KITLG: variants seen among roughly 807,000 people sequenced by gnomAD.
KITLG encodes the protein c-Kit ligand.
Under a neutral mutation model 34.1 loss-of-function variants are expected in KITLG, and 13 were observed. The ratio of observed to expected loss-of-function variants is 0.38; its 90% CI spans 0.25 to 0.61. The LOEUF is 0.61. Ranked by LOEUF, KITLG falls within the 20% of genes least tolerant of loss-of-function variation. The pLI is 0.60. For synonymous variants in KITLG, 110 were observed against 104.0 expected (o/e 1.06, Z -0.35); for missense variants, 292 against 318.9 (o/e 0.92, Z 0.64).
chr12:88,500,836 G>A (rs985141805), intron 9 of KITLG, among the ~76,000 whole-genome samples: 5 of 152,160 alleles, frequency 3.3e-5, no homozygotes, highest in Non-Finnish European at 7.3e-5. Context: ...TTGGAATGCT[G>A]TGATTTGATC....
chr12:88,558,122 T>C (rs1289554599), intron 1 of KITLG, among the ~76,000 whole-genome samples: 4 of 152,208 alleles, frequency 2.6e-5, no homozygotes, highest in African/African-American at 4.8e-5. Flanking sequence ...AATCTGAGAC[T>C]GAATGCCTGA....
intron 2 of KITLG, among the ~76,000 whole-genome samples, chr12:88,536,793 A>G (rs1282124472): frequency 6.6e-6 from 1 of 152,098 alleles, no homozygotes; most frequent in East Asian, 1.9e-4. Context: ...ATGAGAACAC[A>G]TGGACACAGG....
intron 1 of KITLG, among the ~76,000 whole-genome samples, chr12:88,549,819 C>A (rs2407205): frequency 0.67 from 101,971 of 151,962 alleles, 37,356 homozygotes; most frequent in Middle Eastern, 0.87. Flanking sequence ...CAAAGAACTG[C>A]GCATGCTATG....
intron 9 of KITLG, among the ~76,000 whole-genome samples, chr12:88,498,811 T>C (rs1868741187): frequency 1.3e-5 from 2 of 151,936 alleles, no homozygotes; most frequent in African/African-American, 4.8e-5. Flanking sequence ...GAGGCGGAGG[T>C]TGCAGTGAGC....
At chr12:88,504,942 AG>A (rs1160923881) in intron 9 of KITLG, among the ~76,000 whole-genome samples, 1 of 138,192 alleles carries the variant, frequency 7.2e-6, no homozygotes, top group Non-Finnish European at 1.5e-5. Flanking sequence ...GACACAGGGT[AG>A]GGAACACCAC....
At chr12:88,552,748 G>C (rs1870960254) in intron 1 of KITLG, among the ~76,000 whole-genome samples, 1 of 151,504 alleles carries the variant, frequency 6.6e-6, no homozygotes, top group South Asian at 2.1e-4. Flanking sequence ...AGGTTTCCAA[G>C]GGCAAGAAGA....
intron 2 of KITLG, among the ~76,000 whole-genome samples, chr12:88,533,763 A>C (rs1870196773): frequency 6.6e-6 from 1 of 152,060 alleles, no homozygotes. Context: ...ATCTCGCACA[A>C]GTTTACCATA....
At chr12:88,506,519 T>C (rs1869067299) in intron 7 of KITLG, 141 bp from the exon 8 acceptor site, 1 of 690,566 alleles carries the variant, frequency 1.4e-6, no homozygotes, top group Non-Finnish European at 2.6e-6. Context: ...AAAATATCTT[T>C]GTAATAAAAA....
At chr12:88,535,435 T>G (rs1430743259) in intron 2 of KITLG, among the ~76,000 whole-genome samples, 1 of 152,176 alleles carries the variant, frequency 6.6e-6, no homozygotes, top group Non-Finnish European at 1.5e-5. Flanking sequence ...TAAGCTTATT[T>G]TACAAATGAG....
At chr12:88,576,721 G>A (rs1871839022) in intron 1 of KITLG, among the ~76,000 whole-genome samples, 2 of 152,010 alleles carry the variant, frequency 1.3e-5, no homozygotes, top group South Asian at 2.1e-4. Flanking sequence ...CATATTTTAG[G>A]TGTTTCTCAT....
chr12:88,517,415 T>C (rs545023292), intron 4 of KITLG, among the ~76,000 whole-genome samples: 2 of 152,190 alleles, frequency 1.3e-5, no homozygotes, highest in South Asian at 2.1e-4. Context: ...GTGCTTTATA[T>C]ACAGTAACTC....
chr12:88,561,245 T>C (rs1871289898), intron 1 of KITLG, among the ~76,000 whole-genome samples: 1 of 152,206 alleles, frequency 6.6e-6, no homozygotes, highest in East Asian at 1.9e-4. Context: ...GGGCATTTAG[T>C]ATAGTACCTG....
intron 1 of KITLG, among the ~76,000 whole-genome samples, chr12:88,551,262 T>G (rs1326216874): frequency 6.6e-6 from 1 of 152,128 alleles, no homozygotes; most frequent in Non-Finnish European, 1.5e-5. Context: ...AAGTTAGAAA[T>G]ATTGAGATTT....
At chr12:88,541,140 G>A (rs1187536494) in intron 2 of KITLG, among the ~76,000 whole-genome samples, 1 of 152,122 alleles carries the variant, frequency 6.6e-6, no homozygotes, top group African/African-American at 2.4e-5. Flanking sequence ...TTCAAAGTGT[G>A]AAAATGTGTT....
At chr12:88,579,516 T>C (rs541204828) in intron 1 of KITLG, among the ~76,000 whole-genome samples, 1 of 152,310 alleles carries the variant, frequency 6.6e-6, no homozygotes, top group Non-Finnish European at 1.5e-5. Context: ...CAGTGCTTTA[T>C]GTATAATGCA....
intron 3 of KITLG, among the ~76,000 whole-genome samples, chr12:88,525,013 T>C (rs1377542758): frequency 6.6e-6 from 1 of 152,140 alleles, no homozygotes; most frequent in African/African-American, 2.4e-5. Context: ...CTGACTTGGA[T>C]AGGCCAACCA....
At chr12:88,546,617 T>G (rs2120914681) in intron 1 of KITLG, among the ~76,000 whole-genome samples, 1 of 152,334 alleles carries the variant, frequency 6.6e-6, no homozygotes, top group Non-Finnish European at 1.5e-5. Context: ...CAAGAACTTG[T>G]GCAACTGATT....
At chr12:88,507,184 A>C (rs1869098969) in intron 6 of KITLG, 47 bp from the exon 7 acceptor site, 1 of 1,203,958 alleles carries the variant, frequency 8.3e-7, no homozygotes, top group Non-Finnish European at 1.2e-6. Context: ...TCCATTCTAG[A>C]AGTTTTGCTC....
At chr12:88,558,834 A>G (rs1279580146) in intron 1 of KITLG, among the ~76,000 whole-genome samples, 2 of 152,198 alleles carry the variant, frequency 1.3e-5, no homozygotes, top group African/African-American at 4.8e-5. Context: ...TATATTGTTA[A>G]AGAAAACAAA....
Sources: allele counts gnomAD v4.1 joint callset (sites outside exome capture counted in the v4.1 genomes callset), GRCh38; gene constraint gnomAD v4.1.1; transcripts MANE v1.5; gene names NCBI Gene and HGNC (gene_info 2026-07-23, HGNC 2026-07-21).